PKIB: variants seen among roughly 807,000 people sequenced by gnomAD.
PKIB encodes PKI-beta.
A neutral mutation model predicts 4.5 loss-of-function variants in PKIB; 2 were observed. The ratio of observed to expected loss-of-function variants is 0.44; its 90% CI spans 0.18 to 1.39. The LOEUF (loss-of-function observed/expected upper bound fraction) is 1.39. Ranked by LOEUF, PKIB falls within the 40% of genes most tolerant of loss-of-function variation. PKIB has a pLI of 0.27. For missense variants in PKIB, 94 were observed against 92.6 expected (o/e 1.02, Z -0.06); for synonymous variants, 38 against 36.0 (o/e 1.06, Z -0.20).
At chr6:122,722,957 C>T (rs1020202745) in intron 4 of PKIB, among the ~76,000 whole-genome samples, 2 of 152,108 alleles carry the variant, frequency 1.3e-5, no homozygotes, top group African/African-American at 4.8e-5. Context: ...GTGGTTCATT[C>T]TTAGCCATCC....
Position 122,681,384 on chromosome 6 carries a change from A to G in PKIB, c.-9+6240A>G, listed in dbSNP as rs181208608. Among the ~76,000 whole-genome samples the G allele has an allele frequency of 4.3e-3, 661 of 152,328 alleles. 4 individuals carry two copies. The highest frequency in any genetic ancestry group is 0.016 in the South Asian group (78 of 4,826). On this transcript the variant is annotated intron_variant, in intron 3 of 4. Coordinates refer to ENST00000368452, the MANE Select transcript of PKIB (RefSeq NM_181795.3). ...TAATTTATATTTGATCATTTGGTAA[A>G]TTACTTTTTAGAATTCAGAAAAAGG...
At chr6:122,579,933 A>G (rs542026888) in intron 2 of PKIB, among the ~76,000 whole-genome samples, 5 of 152,330 alleles carry the variant, frequency 3.3e-5, no homozygotes, top group South Asian at 2.1e-4. Flanking sequence ...AAGACATCGT[A>G]TATAGATACA....
chr6:122,569,528 A>G (rs1773295022), intron 2 of PKIB, among the ~76,000 whole-genome samples: 1 of 152,194 alleles, frequency 6.6e-6, no homozygotes, highest in African/African-American at 2.4e-5. Flanking sequence ...AGCACTTGAG[A>G]AAGCCAGCAC....
intron 2 of PKIB, among the ~76,000 whole-genome samples, chr6:122,494,787 G>A (rs550200573): frequency 3.3e-5 from 5 of 152,200 alleles, no homozygotes; most frequent in Admixed American, 6.5e-5. Context: ...CAGAACTGGT[G>A]TGGAGCCAGC....
rs149617837 is a variant in PKIB, at chr6:122,561,566, A to AT, written c.-247-24343dup. On this transcript the variant is annotated intron_variant, in intron 2 of 6. Transcript: ENST00000392491. ...ATCTCATTTCTTAGGTCTATTAGTA[A>AT]TTTTTTTTTTTTATAAATTTGGGAG... is the stretch of plus-strand genomic sequence containing the variant. Among the ~76,000 whole-genome samples the AT allele has an allele frequency of 3.7e-3, 537 of 145,946 alleles. 6 individuals are homozygous for AT. The highest frequency in any genetic ancestry group is 0.012 in the African/African-American group (477 of 40,034).
intron 2 of PKIB, among the ~76,000 whole-genome samples, chr6:122,488,041 A>C: frequency 6.6e-6 from 1 of 152,058 alleles, no homozygotes; most frequent in East Asian, 1.9e-4. Flanking sequence ...TTAGACTGTA[A>C]ATATGTTGTT....
chr6:122,617,080 G>A (rs982409247), intron 1 of PKIB, among the ~76,000 whole-genome samples: 2 of 152,086 alleles, frequency 1.3e-5, no homozygotes, highest in African/African-American at 4.8e-5. Flanking sequence ...CTTAGCCAGT[G>A]GCTGAGCACA....
intron 3 of PKIB, among the ~76,000 whole-genome samples, chr6:122,596,723 A>G (rs1004476480): frequency 9.9e-5 from 15 of 152,156 alleles, no homozygotes; most frequent in African/African-American, 3.6e-4. Context: ...TGATTCACCT[A>G]TGAGAGCCTG....
chr6:122,710,472 G>A (rs568146724), intron 3 of PKIB, among the ~76,000 whole-genome samples: 2 of 152,204 alleles, frequency 1.3e-5, no homozygotes, highest in Non-Finnish European at 2.9e-5. Context: ...GTGTATTTGT[G>A]CCCCCTTTGA....
intron 2 of PKIB, among the ~76,000 whole-genome samples, chr6:122,578,147 A>G (rs1773603742): frequency 6.6e-6 from 1 of 152,144 alleles, no homozygotes; most frequent in African/African-American, 2.4e-5. Context: ...AGAAATGTCC[A>G]GGAAGATGGA....
chr6:122,561,988 G>GTTTGTGTTTTTTTTTTTTTTTTTT (rs1554220234), intron 2 of PKIB, among the ~76,000 whole-genome samples: 71 of 24,256 alleles, frequency 2.9e-3, no homozygotes, highest in East Asian at 8.7e-3. Flanking sequence ...TTTTTTGTTT[G>GTTTGTGTTTTTTTTTTTTTTTTTT]TTTTTGTTTT....
intron 2 of PKIB, among the ~76,000 whole-genome samples, chr6:122,506,347 T>G (rs1394737719): frequency 1.3e-5 from 2 of 152,208 alleles, no homozygotes; most frequent in African/African-American, 4.8e-5. Context: ...ATACACAAAT[T>G]GAAGTCTCTC....
intron 3 of PKIB, among the ~76,000 whole-genome samples, chr6:122,587,314 A>G (rs1260430213): frequency 6.6e-6 from 1 of 152,112 alleles, no homozygotes; most frequent in Non-Finnish European, 1.5e-5. Context: ...GCTGAGAATG[A>G]TGGTTTCCAG....
At chr6:122,562,700 C>T (rs79623140) in intron 2 of PKIB, among the ~76,000 whole-genome samples, 1 of 152,128 alleles carries the variant, frequency 6.6e-6, no homozygotes. Context: ...AATTAGAAGG[C>T]TTTGTCTTCA....
At chr6:122,700,087 C>T (rs1339931526) in intron 3 of PKIB, among the ~76,000 whole-genome samples, 1 of 151,954 alleles carries the variant, frequency 6.6e-6, no homozygotes, top group Non-Finnish European at 1.5e-5. Flanking sequence ...AATCAGTGCC[C>T]CTTTATCTTG....
chr6:122,715,235 C>T (rs1779436609), intron 3 of PKIB, among the ~76,000 whole-genome samples: 1 of 151,740 alleles, frequency 6.6e-6, no homozygotes. Flanking sequence ...TTTAAGATCG[C>T]ATATCTTAAC....
chr6:122,478,379 C>G (rs1775507578), intron 2 of PKIB: 1 of 152,188 alleles, frequency 6.6e-6, no homozygotes, highest in Non-Finnish European at 1.5e-5. Context: ...GCAGAATTCT[C>G]TCTACCTATT....
At chr6:122,478,448 C>T (rs965480705) in intron 2 of PKIB, 3 of 152,190 alleles carry the variant, frequency 2.0e-5, no homozygotes, top group African/African-American at 7.2e-5. Flanking sequence ...TGCACATTTC[C>T]ACTTCCCAGC....
intron 3 of PKIB, among the ~76,000 whole-genome samples, chr6:122,693,309 C>G (rs1023823337): frequency 6.6e-6 from 1 of 152,240 alleles, no homozygotes; most frequent in South Asian, 2.1e-4. Flanking sequence ...TACTCCCCAC[C>G]GCCCCCTGCT....
Sources: allele counts gnomAD v4.1 joint callset (sites outside exome capture counted in the v4.1 genomes callset), GRCh38; gene constraint gnomAD v4.1.1; transcripts MANE v1.5; gene names NCBI Gene and HGNC (gene_info 2026-07-23, HGNC 2026-07-21).